Variants in TMEM182 observed in about 807,000 individuals in gnomAD.
The protein encoded by TMEM182 is transmembrane protein 182.
TMEM182 carries 20 observed loss-of-function variants against 26.8 expected under a neutral mutation model. The observed-to-expected ratio is 0.75, with a 90% CI of 0.53 to 1.09. The LOEUF (loss-of-function observed/expected upper bound fraction) is 1.09, where lower values mean the gene tolerates loss of function less well. Among genes scored for constraint, TMEM182 ranks in the 50% least tolerant of loss-of-function variants. TMEM182 has a pLI of 0.00. For synonymous variants in TMEM182, 109 were observed against 102.2 expected, an observed-to-expected ratio of 1.07 and a Z score of -0.40; for missense variants, 277 against 275.5, an observed-to-expected ratio of 1.01 and a Z score of -0.04.
At chr2:102,791,118 T>C (rs1375714063) in intron 3 of TMEM182, among the ~76,000 whole-genome samples, 1 of 152,108 alleles carries the variant, frequency 6.6e-6, no homozygotes. Flanking sequence ...GTATTTTTTA[T>C]AGAAACGTAA....
Position 102,794,793 on chromosome 2 carries a change from G to A in TMEM182, c.332-3070G>A, listed in dbSNP as rs995847835. On this transcript the variant is annotated intron_variant, in intron 3 of 4. Coordinates refer to ENST00000412401, the MANE Select transcript of TMEM182 (RefSeq NM_144632.5). ...TTGACTAATTTATAGGAGTTTATTC[G>A]CTTTGGAGTTTGCTGAGTATCCTGT... Among the ~76,000 whole-genome samples, 13 of 151,866 alleles carry A rather than the reference G, an allele frequency of 8.6e-5. No homozygotes were observed. In the East Asian group the frequency reaches 9.6e-4, roughly 11 times the overall value.
At chr2:102,826,410 G>A (rs996875283) in intron 3 of TMEM182, among the ~76,000 whole-genome samples, 19 of 151,442 alleles carry the variant, frequency 1.3e-4, no homozygotes, top group African/African-American at 4.6e-4. Context: ...AGATGGCCAG[G>A]GCTGGGATCC....
At chr2:102,814,191 A>G (rs1682657687) in intron 4 of TMEM182, among the ~76,000 whole-genome samples, 1 of 151,792 alleles carries the variant, frequency 6.6e-6, no homozygotes, top group Admixed American at 6.6e-5. Flanking sequence ...TTTGGTTTCT[A>G]TTTGTATAAC....
In TMEM182 at chr2:102,764,446, C is replaced by T; in HGVS notation, c.331+19C>T. On this transcript the variant is annotated intron_variant, in intron 3 of 4. Coordinates refer to ENST00000412401, the MANE Select transcript of TMEM182 (RefSeq NM_144632.5). ...GCAGTTAGTAAGTACCCTCTGTCCT[C>T]AGCCTACTTCTAAAAGGGTCTTATC... The T allele has an allele frequency of 6.2e-7, 1 of 1,604,392 alleles. No individual in the cohort carries two copies. The highest frequency in any genetic ancestry group is 2.2e-5 in the East Asian group (1 of 44,772).
chr2:102,826,905 C>CA lies in TMEM182; in HGVS notation c.326-16497dup, dbSNP rs75297481. On this transcript the variant is annotated intron_variant, in intron 3 of 3. Coordinates refer to the TMEM182 transcript ENST00000486293. ...GATGTGTTTCTAAATGTTGGCCAAT[C>CA]AAAAAAAAAATCCTAATTCAATTAG... Among the ~76,000 whole-genome samples, 144 of 148,338 alleles carry CA rather than the reference C, an allele frequency of 9.7e-4. 1 individual carries two copies. The highest frequency in any genetic ancestry group is 5.3e-3 in the East Asian group (27 of 5,120).
intron 3 of TMEM182, among the ~76,000 whole-genome samples, chr2:102,824,308 G>C (rs888704009): frequency 1.3e-5 from 2 of 152,154 alleles, no homozygotes; most frequent in Non-Finnish European, 2.9e-5. Flanking sequence ...ATTGTTTGTG[G>C]AGAGCAACAT....
chr2:102,838,864 T>G (rs74819386), intron 3 of TMEM182, among the ~76,000 whole-genome samples: 1 of 152,112 alleles, frequency 6.6e-6, no homozygotes, highest in South Asian at 2.1e-4. Context: ...AGAGAATGAA[T>G]TTGAGATACA....
intron 1 of TMEM182, among the ~76,000 whole-genome samples, chr2:102,746,963 T>G (rs867982042): frequency 1.4e-4 from 21 of 152,336 alleles, no homozygotes; most frequent in African/African-American, 4.3e-4. Context: ...AATATTTTCT[T>G]TAACGAATGT....
chr2:102,802,051 G>A (rs754403623), intron 4 of TMEM182, among the ~76,000 whole-genome samples: 1 of 152,154 alleles, frequency 6.6e-6, no homozygotes, highest in African/African-American at 2.4e-5. Flanking sequence ...ATTGAGCTCT[G>A]CCCACAACTA....
intron 3 of TMEM182, among the ~76,000 whole-genome samples, chr2:102,822,823 G>A (rs144943412): frequency 1.0e-3 from 153 of 149,782 alleles, no homozygotes; most frequent in African/African-American, 3.7e-3. Flanking sequence ...GGTGGTGCCT[G>A]CCTCACCTCA....
intron 3 of TMEM182, among the ~76,000 whole-genome samples, chr2:102,825,656 A>G (rs1683018147): frequency 6.6e-6 from 1 of 152,242 alleles, no homozygotes; most frequent in Non-Finnish European, 1.5e-5. Context: ...AATTGTGGAC[A>G]ATTGAAATCC....
Position 102,748,003 on chromosome 2 carries a change from C to G in TMEM182, c.-82-10386C>G, listed in dbSNP as rs1679764269. Among the ~76,000 whole-genome samples the G allele has an allele frequency of 2.6e-5, 4 of 152,244 alleles. No individual in the cohort carries two copies. The South Asian group carries it at 8.3e-4, about 32-fold the overall frequency. On this transcript the variant is annotated intron_variant, in intron 1 of 5. Coordinates refer to the TMEM182 transcript ENST00000409173. Reference sequence around the variant, plus strand: ...ATGTAACACTACGAAGGTCAGGCAACTCCCCCAGGTAGCTTTTTTCCCTAT... The same window carrying G: ...ATGTAACACTACGAAGGTCAGGCAAGTCCCCCAGGTAGCTTTTTTCCCTAT...
At chr2:102,830,604 T>C (rs2104774891) in intron 3 of TMEM182, among the ~76,000 whole-genome samples, 1 of 152,310 alleles carries the variant, frequency 6.6e-6, no homozygotes, top group Non-Finnish European at 1.5e-5. Flanking sequence ...GTACATGAGA[T>C]GTTCTGATAC....
At chr2:102,780,922 A>G (rs2104696228) in intron 3 of TMEM182, among the ~76,000 whole-genome samples, 1 of 152,176 alleles carries the variant, frequency 6.6e-6, no homozygotes, top group South Asian at 2.1e-4. Flanking sequence ...TTAATCTGTG[A>G]CCATTGTTGA....
Position 102,762,587 on chromosome 2 carries a change from A to G in TMEM182, c.133A>G (p.Ile45Val), listed in dbSNP as rs1349522986. 2 of 1,613,412 alleles carry G rather than the reference A, an allele frequency of 1.2e-6. No individual in the cohort carries two copies. Among genetic ancestry groups the G allele is most frequent in the Non-Finnish European group, 8.5e-7 (1 of 1,179,694 alleles). ...AGTTACTTCATTTTGTTCTGTGCAG[A>G]TAGAGAACGTCACTTTTCACCATGA... ...EVGRCSGEKN[I>V]ENVTFHHEGF... The change falls in exon 2 of 5, where the codon ATA (isoleucine) becomes GTA (valine). Residue 45 changes from isoleucine (I) to valine (V), a missense_variant and splice_region_variant. Physicochemically the swap from Ile to Val is conservative, Grantham distance 29 (BLOSUM62 3). Transcript: ENST00000412401.
intron 3 of TMEM182, among the ~76,000 whole-genome samples, chr2:102,769,524 AT>A (rs1680591671): frequency 6.6e-6 from 1 of 152,160 alleles, no homozygotes; most frequent in African/African-American, 2.4e-5. Flanking sequence ...TTCTGTTTTA[AT>A]CATCATAACT....
Position 102,762,585 on chromosome 2 carries a change from A to C in TMEM182, c.133-2A>C. 1 of 1,613,110 alleles carries C rather than the reference A, an allele frequency of 6.2e-7. No individual in the cohort carries two copies. Among genetic ancestry groups the C allele is most frequent in the Non-Finnish European group, 8.5e-7 (1 of 1,179,566 alleles). On this transcript the variant is annotated splice_acceptor_variant, in intron 1 of 4. Transcript: ENST00000412401. LOFTEE classifies it high-confidence loss of function. ...CAAGTTACTTCATTTTGTTCTGTGC[A>C]GATAGAGAACGTCACTTTTCACCAT...
intron 4 of TMEM182, among the ~76,000 whole-genome samples, chr2:102,803,500 G>T (rs185973501): frequency 2.0e-5 from 3 of 152,242 alleles, no homozygotes; most frequent in African/African-American, 4.8e-5. Flanking sequence ...TTTGTGGTTT[G>T]GTTTCCTTTT....
intron 1 of TMEM182, among the ~76,000 whole-genome samples, chr2:102,754,055 G>T (rs551423381): frequency 1.3e-5 from 2 of 152,276 alleles, no homozygotes; most frequent in East Asian, 3.9e-4. Flanking sequence ...ATATTAAAGG[G>T]TCAGTAGAAT....
Sources: gnomAD v4.1 joint callset for allele counts (sites outside exome capture counted in the v4.1 genomes callset) on GRCh38, gnomAD v4.1.1 for gene constraint, MANE v1.5 for transcripts, NCBI Gene and HGNC (gene_info 2026-07-23, HGNC 2026-07-21) for gene names.